Variants in THAP6 observed in about 807,000 individuals in gnomAD.
THAP6 encodes the protein THAP domain containing 6.
In THAP6, 13 loss-of-function variants were observed where a neutral mutation model predicts 20.0. The ratio of observed to expected loss-of-function variants is 0.65; its 90% CI spans 0.42 to 1.03. The LOEUF is 1.03. Among genes scored for constraint, THAP6 ranks in the 50% least tolerant of loss-of-function variants. The probability of loss-of-function intolerance (pLI) is 0.00; values close to 1 mark genes in which losing one functional copy is unlikely to be tolerated. For missense variants in THAP6, 262 were observed against 261.6 expected, an observed-to-expected ratio of 1.00 and a Z score of -0.01; for synonymous variants, 93 against 92.2, an observed-to-expected ratio of 1.01 and a Z score of -0.05.
At chr4:75,515,583 C>G (rs750095188) in intron 2 of THAP6, 51 bp downstream of exon 2, 7 of 1,572,792 alleles carry the variant, frequency 4.5e-6, no homozygotes, top group South Asian at 4.4e-5. Context: ...TTATAAAAAG[C>G]AAAAGACAGT....
At chr4:75,514,809 C>T (rs1021320280) in intron 1 of THAP6, 3 of 157,256 alleles carry the variant, frequency 1.9e-5, no homozygotes, top group Non-Finnish European at 4.2e-5. Context: ...CTTCTTGCTT[C>T]CTCCCTTTCC....
Position 75,528,108 on chromosome 4 carries a change from A to T in THAP6, c.*894A>T. On this transcript the variant is annotated 3_prime_UTR_variant, in exon 5 of 5. Coordinates refer to ENST00000311638, the MANE Select transcript of THAP6 (RefSeq NM_144721.6). ...CAAAATACAAAAGAAACCATTAGAA[A>T]TTAATAACTGTGGCTCTTCCAGTTG... is the stretch of plus-strand genomic sequence containing the variant. 1 of 984,970 alleles carries T rather than the reference A, an allele frequency of 1.0e-6. No individual in the cohort carries two copies. The highest frequency in any genetic ancestry group is 1.2e-6 in the Non-Finnish European group (1 of 829,474). 61.0% of individuals were successfully genotyped at this position (984,970 alleles called of 1,614,324 possible). A position where few individuals can be genotyped will look rare whatever the true frequency, so the allele number is the denominator to read the frequency against.
At chr4:75,517,268 G>A (rs1348997708) in intron 3 of THAP6, 3 of 247,462 alleles carry the variant, frequency 1.2e-5, no homozygotes, top group African/African-American at 4.5e-5. Flanking sequence ...CACCCTCCTC[G>A]GCGTCCCAAA....
At chr4:75,539,298 G>A (rs181125363) in intron 2 of THAP6, among the ~76,000 whole-genome samples, 4 of 152,150 alleles carry the variant, frequency 2.6e-5, no homozygotes, top group Non-Finnish European at 4.4e-5. Flanking sequence ...GTCTTCTCAG[G>A]TACATGAAGA....
Position 75,515,498 on chromosome 4 carries a change from C to T in THAP6, c.46C>T (p.Pro16Ser). The change falls in exon 2 of 5, where the codon CCA becomes TCA. Residue 16 changes from proline (P) to serine (S), a missense_variant. Transcript: ENST00000311638. ...SAIGCASRCL[P>S]NSKLKGLTFH... is the part of the protein sequence containing the mutation. ...CATTGGATGTGCTTCTCGCTGCTTGCCAAATTCGAAGTTAAAAGGACTGAC... is the reference window on the plus strand; with the variant it reads ...CATTGGATGTGCTTCTCGCTGCTTGTCAAATTCGAAGTTAAAAGGACTGAC... 2 of 1,613,936 alleles carry T rather than the reference C, an allele frequency of 1.2e-6. No homozygotes were observed. The highest frequency in any genetic ancestry group is 8.5e-7 in the Non-Finnish European group (1 of 1,179,850).
At chr4:75,538,003 C>T (rs1726909890) in intron 2 of THAP6, among the ~76,000 whole-genome samples, 1 of 152,148 alleles carries the variant, frequency 6.6e-6, no homozygotes, top group African/African-American at 2.4e-5. Context: ...TAATTTGTTA[C>T]AATGGCAATA....
At chr4:75,537,504 A>G (rs1726894334) in intron 2 of THAP6, among the ~76,000 whole-genome samples, 1 of 151,990 alleles carries the variant, frequency 6.6e-6, no homozygotes, top group African/African-American at 2.4e-5. Context: ...CCATCCTCTT[A>G]AGATGCGACT....
intron 2 of THAP6, chr4:75,539,971 G>C: frequency 6.5e-7 from 1 of 1,534,512 alleles, no homozygotes; most frequent in Non-Finnish European, 8.7e-7. Flanking sequence ...TAGGCTATTT[G>C]TGCCTTAAAT....
chr4:75,526,524 C>T (rs1034362661), intron 4 of THAP6, among the ~76,000 whole-genome samples: 6 of 152,232 alleles, frequency 3.9e-5, no homozygotes, highest in South Asian at 2.1e-4. Context: ...TCCCCAACAC[C>T]GAGCCTGAGA....
chr4:75,520,868 G>T (rs1174187359), intron 3 of THAP6, among the ~76,000 whole-genome samples: 6 of 152,012 alleles, frequency 3.9e-5, no homozygotes, highest in African/African-American at 1.4e-4. Context: ...TTATCTTTTT[G>T]TTTTAATGTA....
intron 3 of THAP6, among the ~76,000 whole-genome samples, chr4:75,517,892 A>G (rs993944640): frequency 6.6e-6 from 1 of 152,222 alleles, no homozygotes; most frequent in Non-Finnish European, 1.5e-5. Flanking sequence ...TAGAACCTAT[A>G]GACATTGATT....
intron 2 of THAP6, among the ~76,000 whole-genome samples, chr4:75,535,307 T>C (rs1442600774): frequency 6.6e-6 from 1 of 152,206 alleles, no homozygotes; most frequent in Non-Finnish European, 1.5e-5. Context: ...TATACACTTG[T>C]ATCACCAGTT....
chr4:75,543,599 T>C (rs1366599674), intron 3 of THAP6, among the ~76,000 whole-genome samples: 1 of 152,066 alleles, frequency 6.6e-6, no homozygotes, highest in African/African-American at 2.4e-5. Flanking sequence ...TCTGTGGCCA[T>C]AGGAATGCTA....
chr4:75,533,576 A>C (rs961735536), downstream of THAP6, among the ~76,000 whole-genome samples: 5 of 152,180 alleles, frequency 3.3e-5, no homozygotes. Context: ...ATGCTGATAA[A>C]GACATACCCG....
upstream of THAP6, chr4:75,514,378 G>C (rs939266543): frequency 7.2e-7 from 1 of 1,385,972 alleles, no homozygotes. Flanking sequence ...ACCCCTCCCA[G>C]CCCCAGCGGC....
chr4:75,517,895 C>CATTG (rs1183488544), intron 3 of THAP6, among the ~76,000 whole-genome samples: 1 of 152,146 alleles, frequency 6.6e-6, no homozygotes, highest in African/African-American at 2.4e-5. Context: ...AACCTATAGA[C>CATTG]ATTGATTGAT....
At chr4:75,538,931 T>C (rs910035573) in intron 2 of THAP6, among the ~76,000 whole-genome samples, 4 of 152,220 alleles carry the variant, frequency 2.6e-5, no homozygotes, top group Admixed American at 2.0e-4. Flanking sequence ...GGGTCCATGA[T>C]GAGCACTAGT....
chr4:75,539,872 G>A, intron 2 of THAP6: 2 of 1,535,922 alleles, frequency 1.3e-6, no homozygotes. Flanking sequence ...CACAGGAAAA[G>A]GAAACAAGAA....
intron 4 of THAP6, 114 bp downstream of exon 4, chr4:75,521,975 C>G: frequency 7.9e-7 from 1 of 1,273,222 alleles, no homozygotes; most frequent in Admixed American, 2.1e-5. Flanking sequence ...TATGTAATAT[C>G]TACAAATAAT....
Sources: gnomAD v4.1 joint callset for allele counts (sites outside exome capture counted in the v4.1 genomes callset) on GRCh38, gnomAD v4.1.1 for gene constraint, MANE v1.5 for transcripts, NCBI Gene and HGNC (gene_info 2026-07-23, HGNC 2026-07-21) for gene names.